Variants in CSTF3 observed in about 807,000 individuals in gnomAD.
CSTF3 encodes cleavage stimulation factor subunit 3, also known as CF-1 77 kDa subunit.
A neutral mutation model predicts 105.8 loss-of-function variants in CSTF3; 29 were observed. The ratio of observed to expected loss-of-function variants is 0.27; its 90% CI spans 0.20 to 0.37. CSTF3 has a LOEUF of 0.37. Ranked by LOEUF, CSTF3 falls within the 10% of genes least tolerant of loss-of-function variation. The pLI is 1.00. For synonymous variants in CSTF3, 252 were observed against 281.9 expected, an observed-to-expected ratio of 0.89 and a Z score of 1.06; for missense variants, 357 against 879.3, an observed-to-expected ratio of 0.41 and a Z score of 7.51.
intron 3 of CSTF3, among the ~76,000 whole-genome samples, chr11:33,130,874 C>T (rs572259532): frequency 6.6e-6 from 1 of 152,148 alleles, no homozygotes; most frequent in South Asian, 2.1e-4. Context: ...CAAAACACCA[C>T]AAAAATTAGC....
At position 33,105,600 on chromosome 11, in the gene CSTF3, T is replaced by C; in HGVS notation, c.552A>G (p.Glu184=). The change falls in exon 8 of 21, where the codon GAA becomes GAG. Residue 184 remains glutamate, a synonymous_variant. Coordinates refer to ENST00000323959, the MANE Select transcript of CSTF3 (RefSeq NM_001326.3). The part of the protein sequence containing the change: ...RGCVNPMINI[E]QLWRDYNKYE... ...ACTTGTTATAGTCTCTCCAGAGCTG[T>C]TCAATGTTGATCATCGGATTAACAC... is the stretch of plus-strand genomic sequence containing the variant. The C allele has an allele frequency of 6.2e-7, 1 of 1,613,826 alleles. No individual in the cohort carries two copies.
chr11:33,148,865 T>TG (rs1165996671), intron 1 of CSTF3, among the ~76,000 whole-genome samples: 9 of 150,970 alleles, frequency 6.0e-5, no homozygotes, highest in African/African-American at 1.7e-4. Context: ...GCTGTGTTTT[T>TG]TTTTTTTTTT....
intron 9 of CSTF3, 65 bp downstream of exon 9, chr11:33,103,042 G>A: frequency 1.9e-6 from 2 of 1,049,884 alleles, no homozygotes; most frequent in South Asian, 1.5e-5. Flanking sequence ...TACCAGACAG[G>A]GAAAGCTCTG....
intron 3 of CSTF3, among the ~76,000 whole-genome samples, chr11:33,114,217 A>G (rs955011229): frequency 6.6e-6 from 1 of 152,186 alleles, no homozygotes; most frequent in Non-Finnish European, 1.5e-5. Context: ...TAGACTAGCC[A>G]TGTCCTTTCC....
intron 1 of CSTF3, among the ~76,000 whole-genome samples, chr11:33,143,789 G>C (rs1855744039): frequency 6.6e-6 from 1 of 151,106 alleles, no homozygotes; most frequent in Non-Finnish European, 1.5e-5. Context: ...AGGAGATTGG[G>C]ACCATCCTGG....
intron 3 of CSTF3, among the ~76,000 whole-genome samples, chr11:33,138,671 T>G (rs186668748): frequency 2.0e-5 from 3 of 152,008 alleles, no homozygotes; most frequent in Admixed American, 2.0e-4. Context: ...TTAAACTTTA[T>G]ACTTGATAAC....
chr11:33,124,122 T>A (rs1590275466), intron 3 of CSTF3, among the ~76,000 whole-genome samples: 1 of 152,122 alleles, frequency 6.6e-6, no homozygotes, highest in Non-Finnish European at 1.5e-5. Flanking sequence ...TTGTCAAAAC[T>A]ATTTAACATT....
chr11:33,103,648 TA>T (rs1223510457), intron 8 of CSTF3, among the ~76,000 whole-genome samples: 1 of 152,120 alleles, frequency 6.6e-6, no homozygotes, highest in Non-Finnish European at 1.5e-5. Flanking sequence ...TGTGCGCCTG[TA>T]ATCCCAGCTA....
intron 3 of CSTF3, among the ~76,000 whole-genome samples, chr11:33,129,773 T>C (rs952379768): frequency 6.6e-6 from 1 of 152,220 alleles, no homozygotes; most frequent in African/African-American, 2.4e-5. Flanking sequence ...TAAAAGTATC[T>C]TACAAGCATA....
intron 3 of CSTF3, among the ~76,000 whole-genome samples, chr11:33,133,944 C>A (rs1179843320): frequency 2.6e-5 from 4 of 152,162 alleles, no homozygotes; most frequent in African/African-American, 9.7e-5. Context: ...ATAACATAGA[C>A]TGCAGATTAT....
chr11:33,157,322 TCCA>T lies in CSTF3; in HGVS notation c.27+3974_27+3976del, dbSNP rs1252424989. Among the ~76,000 whole-genome samples, 1,323 of 152,130 alleles carry T rather than the reference TCCA, an allele frequency of 8.7e-3. 19 individuals are homozygous for T. Among genetic ancestry groups the T allele is most frequent in the African/African-American group, 0.03 (1,236 of 41,488 alleles). On this transcript the variant is annotated intron_variant, in intron 1 of 20. Transcript: ENST00000323959. ...GTGAGCCGAGACCGTGCCACTGCAC[TCCA>T]GCCTGGGCAACAGAGCAAGACTCCA...
At chr11:33,110,169 T>C (rs1329158692) in intron 3 of CSTF3, among the ~76,000 whole-genome samples, 3 of 152,234 alleles carry the variant, frequency 2.0e-5, no homozygotes, top group Non-Finnish European at 4.4e-5. Flanking sequence ...TATTATTTTT[T>C]CCTGCCTATT....
intron 9 of CSTF3, among the ~76,000 whole-genome samples, chr11:33,102,602 G>C (rs1224502154): frequency 6.6e-6 from 1 of 152,190 alleles, no homozygotes; most frequent in African/African-American, 2.4e-5. Context: ...CAGGATGTAA[G>C]AGTTGACAGA....
chr11:33,119,401 T>C (rs1162436221), intron 3 of CSTF3, among the ~76,000 whole-genome samples: 1 of 151,860 alleles, frequency 6.6e-6, no homozygotes, highest in African/African-American at 2.4e-5. Context: ...ATTTATTCTA[T>C]GAAATCAAGT....
intron 3 of CSTF3, among the ~76,000 whole-genome samples, chr11:33,121,573 T>G (rs563947018): frequency 6.6e-6 from 1 of 152,282 alleles, no homozygotes; most frequent in South Asian, 2.1e-4. Context: ...AAGAATTAAG[T>G]TCAAATGCTA....
chr11:33,136,227 A>G (rs1437869126), intron 3 of CSTF3: 1 of 152,194 alleles, frequency 6.6e-6, no homozygotes, highest in Non-Finnish European at 1.5e-5. Flanking sequence ...TATGTGGGGG[A>G]AAAAAATCTA....
In CSTF3 at chr11:33,084,738, T is replaced by TTGTA. The variant is rs1276748802; in HGVS notation, c.*348_*349insTACA. 6 of 241,982 alleles carry TTGTA rather than the reference T, an allele frequency of 2.5e-5. No individual in the cohort carries two copies. The East Asian group carries it at 3.9e-4, about 16-fold the overall frequency. 15.0% of individuals were successfully genotyped at this position (241,982 alleles called of 1,614,324 possible). On this transcript the variant is annotated 3_prime_UTR_variant, in exon 21 of 21. Transcript: ENST00000323959. ...GTTTTCAGAAAATGTGATAAAATGC[T>TTGTA]TTACAATCATAAGCCATCCAGTTTT...
Position 33,096,364 on chromosome 11 carries a change from T to C in CSTF3, c.1317A>G (p.Lys439=). ...GGACATACTCTGGAATGTCTCCATA[T>C]TTTTTTAGCCCCAGCTCAAAAATCT... ...AFKIFELGLK[K]YGDIPEYVLA... is the part of the protein sequence containing the mutation. The change falls in exon 15 of 21, where the codon AAA becomes AAG. Residue 439 remains lysine, a synonymous_variant. Transcript: ENST00000323959. 6.3e-7 allele frequency: 1 copy of C among 1,598,080 alleles called. No individual in the cohort carries two copies.
intron 1 of CSTF3, among the ~76,000 whole-genome samples, chr11:33,148,807 T>C (rs577057768): frequency 6.6e-6 from 1 of 151,422 alleles, no homozygotes; most frequent in South Asian, 2.1e-4. Flanking sequence ...CTTAAATACA[T>C]AAATTCTGAG....
Sources: gnomAD v4.1 joint callset for allele counts (sites outside exome capture counted in the v4.1 genomes callset) on GRCh38, gnomAD v4.1.1 for gene constraint, MANE v1.5 for transcripts, NCBI Gene and HGNC (gene_info 2026-07-23, HGNC 2026-07-21) for gene names.